FCHSD2: variants seen among roughly 807,000 people sequenced by gnomAD.
FCHSD2 encodes FCH and double SH3 domains 2.
A neutral mutation model predicts 108.1 loss-of-function variants in FCHSD2; 38 were observed. That is an observed-to-expected ratio of 0.35 (90% confidence interval 0.27 to 0.46). The LOEUF (loss-of-function observed/expected upper bound fraction) is 0.46, where lower values mean the gene tolerates loss of function less well. Among genes scored for constraint, FCHSD2 ranks in the 20% least tolerant of loss-of-function variants. The pLI is 1.00. For synonymous variants in FCHSD2, 279 were observed against 314.7 expected, an observed-to-expected ratio of 0.89 and a Z score of 1.20; for missense variants, 751 against 897.8, an observed-to-expected ratio of 0.84 and a Z score of 2.09.
chr11:73,106,829 T>C (rs891658499), intron 2 of FCHSD2, among the ~76,000 whole-genome samples: 3 of 152,190 alleles, frequency 2.0e-5, no homozygotes, highest in Admixed American at 2.0e-4. Context: ...CCATGTGCAG[T>C]AGGCTACGCA....
chr11:72,879,073 T>C (rs1196710596), intron 12 of FCHSD2, among the ~76,000 whole-genome samples: 4 of 151,902 alleles, frequency 2.6e-5, no homozygotes, highest in African/African-American at 9.7e-5. Flanking sequence ...TCATTACCAC[T>C]GCACTCAAGC....
At chr11:72,847,031 C>T (rs972637808) in intron 14 of FCHSD2, among the ~76,000 whole-genome samples, 27 of 152,128 alleles carry the variant, frequency 1.8e-4, no homozygotes, top group Non-Finnish European at 4.4e-5. Context: ...GGGTCTCACT[C>T]TGTCACTCAG....
chr11:72,857,238 T>C (rs545162435), intron 13 of FCHSD2, among the ~76,000 whole-genome samples: 1 of 152,320 alleles, frequency 6.6e-6, no homozygotes, highest in East Asian at 1.9e-4. Context: ...AATTTCTTCC[T>C]TTTTCCTCTT....
chr11:73,040,352 G>A (rs1290774750), intron 3 of FCHSD2, among the ~76,000 whole-genome samples: 1 of 152,134 alleles, frequency 6.6e-6, no homozygotes, highest in East Asian at 1.9e-4. Context: ...TTTGCCAGAG[G>A]CAGAGTGTTT....
At chr11:72,978,564 T>C (rs1021169214) in intron 8 of FCHSD2, among the ~76,000 whole-genome samples, 4 of 152,166 alleles carry the variant, frequency 2.6e-5, no homozygotes, top group Non-Finnish European at 4.4e-5. Flanking sequence ...TCATCTCAAA[T>C]TGTAATCCCC....
intron 3 of FCHSD2, among the ~76,000 whole-genome samples, chr11:73,034,274 T>TA (rs1858435271): frequency 6.6e-6 from 1 of 152,196 alleles, no homozygotes; most frequent in African/African-American, 2.4e-5. Context: ...TATTTACAGA[T>TA]ACGTTAAAGT....
intron 9 of FCHSD2, 77 bp downstream of exon 9, chr11:72,921,751 C>G: frequency 8.2e-7 from 1 of 1,212,966 alleles, no homozygotes; most frequent in South Asian, 1.3e-5. Context: ...TCACTAGTAC[C>G]TTCATTTTCT....
rs192872573 is a variant in FCHSD2 at position 73,054,180 on chromosome 11, T to C, written c.165+29515A>G. Among the ~76,000 whole-genome samples, 58 of 151,858 alleles carry C rather than the reference T, an allele frequency of 3.8e-4. No homozygotes were observed. The East Asian group carries it at 0.01, about 27-fold the overall frequency. ...GTTGGGAAATTTGACAGAGACCATA[T>C]GGCCCTCAAAGCATAAAATATTTAC... On this transcript the variant is annotated intron_variant, in intron 3 of 19. Coordinates refer to ENST00000409418, the MANE Select transcript of FCHSD2 (RefSeq NM_014824.3).
At chr11:72,942,166 C>T (rs1033247382) in intron 8 of FCHSD2, among the ~76,000 whole-genome samples, 4 of 152,124 alleles carry the variant, frequency 2.6e-5, no homozygotes, top group Non-Finnish European at 4.4e-5. Context: ...GTAATGAGAG[C>T]GTTCTCACTC....
intron 12 of FCHSD2, among the ~76,000 whole-genome samples, chr11:72,869,097 G>T (rs1854794389): frequency 6.6e-6 from 1 of 151,882 alleles, no homozygotes; most frequent in Admixed American, 6.6e-5. Flanking sequence ...AGTAGAGGCG[G>T]GGTTTTGCCA....
At chr11:73,006,073 A>AT (rs575155020) in intron 4 of FCHSD2, among the ~76,000 whole-genome samples, 3,309 of 147,340 alleles carry the variant, frequency 0.022, 77 homozygotes, top group African/African-American at 0.06. Flanking sequence ...GCATGTGGCT[A>AT]TTTTTTTTTT....
At chr11:72,968,473 A>T (rs983833297) in intron 8 of FCHSD2, among the ~76,000 whole-genome samples, 1 of 152,206 alleles carries the variant, frequency 6.6e-6, no homozygotes, top group African/African-American at 2.4e-5. Flanking sequence ...ATCCATGAGG[A>T]CTAACCAGGG....
intron 12 of FCHSD2, among the ~76,000 whole-genome samples, chr11:72,883,866 G>C (rs992797754): frequency 6.6e-6 from 1 of 151,814 alleles, no homozygotes; most frequent in South Asian, 2.1e-4. Flanking sequence ...CAGGAGGTTC[G>C]GGCGGCAGTG....
At chr11:72,922,554 G>GA (rs1357613353) in intron 8 of FCHSD2, among the ~76,000 whole-genome samples, 1 of 151,818 alleles carries the variant, frequency 6.6e-6, no homozygotes, top group Non-Finnish European at 1.5e-5. Context: ...AAAAAGGAGA[G>GA]AAAATCACTG....
chr11:72,894,266 T>G (rs1855375403), intron 10 of FCHSD2, among the ~76,000 whole-genome samples: 1 of 152,336 alleles, frequency 6.6e-6, no homozygotes, highest in African/African-American at 2.4e-5. Context: ...ATACTGGGGC[T>G]GGGCACAGTA....
At position 73,085,472 on chromosome 11, in the gene FCHSD2, C is replaced by T. The variant is rs139952715; in HGVS notation, c.120-1732G>A. 9.9e-5 allele frequency among the ~76,000 whole-genome samples: 15 copies of T among 152,258 alleles called. No individual in the cohort carries two copies. In the East Asian group the frequency reaches 1.9e-3, roughly 20 times the overall value. On this transcript the variant is annotated intron_variant, in intron 2 of 19. Coordinates refer to ENST00000409418, the MANE Select transcript of FCHSD2 (RefSeq NM_014824.3). Reference sequence around the variant, plus strand: ...TTCCTCTCCTGACTGAAATGACTTTCGGAGGATTTAAAGAACTGATGCCTC... The same window carrying T: ...TTCCTCTCCTGACTGAAATGACTTTTGGAGGATTTAAAGAACTGATGCCTC...
chr11:73,029,055 G>C (rs1207470650), intron 3 of FCHSD2, among the ~76,000 whole-genome samples: 1 of 152,114 alleles, frequency 6.6e-6, no homozygotes, highest in African/African-American at 2.4e-5. Context: ...TAGAAAGTTA[G>C]TCAAGAGACA....
rs543032403 is a variant in FCHSD2 at position 72,836,962 on chromosome 11, A to G, written c.*1829T>C. ...TAAAATAAAATTAGCAGCTCTTCCA[A>G]AAAATATTTTAAAATACAACAAAAG... On this transcript the variant is annotated 3_prime_UTR_variant, in exon 20 of 20. Coordinates refer to ENST00000409418, the MANE Select transcript of FCHSD2 (RefSeq NM_014824.3). 2.0e-5 allele frequency: 3 copies of G among 152,686 alleles called. No homozygotes were observed. The East Asian group carries it at 5.8e-4, about 29-fold the overall frequency. The allele number at this position is 152,686 out of a possible 1,614,324, so 9.5% of individuals were successfully genotyped here.
intron 5 of FCHSD2, among the ~76,000 whole-genome samples, chr11:72,996,040 T>C (rs1248359593): frequency 6.6e-6 from 1 of 151,936 alleles, no homozygotes; most frequent in East Asian, 1.9e-4. Context: ...AACAATTAAT[T>C]AGGAAATTGG....
Sources: allele counts gnomAD v4.1 joint callset (sites outside exome capture counted in the v4.1 genomes callset), GRCh38; gene constraint gnomAD v4.1.1; transcripts MANE v1.5; gene names NCBI Gene and HGNC (gene_info 2026-07-23, HGNC 2026-07-21).